Variants in ARB2A observed in about 807,000 individuals in gnomAD.
The protein encoded by ARB2A is cotranscriptional regulator ARB2A.
the ARB2A span, among the ~76,000 whole-genome samples, chr5:93,660,402 G>A: frequency 3.3e-5 from 5 of 152,082 alleles, no homozygotes; most frequent in South Asian, 1.0e-3. Flanking sequence ...CTGAGGACTG[G>A]GTAGTGGGGA....
At chr5:93,900,613 CA>C in the ARB2A span, among the ~76,000 whole-genome samples, 11,909 of 65,432 alleles carry the variant, frequency 0.18, 359 homozygotes, top group Middle Eastern at 0.29. Flanking sequence ...GACGCTGTCT[CA>C]AAAAAAAAAA....
At chr5:93,621,217 C>G in the ARB2A span, 1 of 1,293,850 alleles carries the variant, frequency 7.7e-7, no homozygotes, top group South Asian at 2.0e-5. Flanking sequence ...GCCCCGGCTC[C>G]CGACCACCCG....
At chr5:93,899,378 G>C in the ARB2A span, among the ~76,000 whole-genome samples, 1 of 152,178 alleles carries the variant, frequency 6.6e-6, no homozygotes, top group South Asian at 2.1e-4. Flanking sequence ...GGAAACCCTT[G>C]TCTGTAAAAG....
chr5:93,827,617 A>T, the ARB2A span, among the ~76,000 whole-genome samples: 1 of 151,592 alleles, frequency 6.6e-6, no homozygotes, highest in Admixed American at 6.6e-5. Context: ...CCCATTTGTC[A>T]ATTTTGGCTT....
chr5:93,848,322 G>C, the ARB2A span, among the ~76,000 whole-genome samples: 1 of 151,708 alleles, frequency 6.6e-6, no homozygotes, highest in Non-Finnish European at 1.5e-5. Flanking sequence ...GGCGGAGGTT[G>C]CAGTGAGCTG....
At chr5:94,066,040 A>G in the ARB2A span, among the ~76,000 whole-genome samples, 1 of 152,164 alleles carries the variant, frequency 6.6e-6, no homozygotes, top group Non-Finnish European at 1.5e-5. Context: ...AATCAATAAA[A>G]AGAAGAACTT....
At chr5:93,702,688 T>C in the ARB2A span, among the ~76,000 whole-genome samples, 28 of 152,316 alleles carry the variant, frequency 1.8e-4, no homozygotes, top group Non-Finnish European at 1.9e-4. Flanking sequence ...GTGGGCTTGA[T>C]TCTCTTAACT....
the ARB2A span, among the ~76,000 whole-genome samples, chr5:93,742,129 G>A: frequency 6.6e-6 from 1 of 151,988 alleles, no homozygotes; most frequent in Non-Finnish European, 1.5e-5. Context: ...GTTAACATCA[G>A]TTTACTACCT....
At chr5:93,995,588 A>G in the ARB2A span, among the ~76,000 whole-genome samples, 1 of 152,182 alleles carries the variant, frequency 6.6e-6, no homozygotes, top group Non-Finnish European at 1.5e-5. Context: ...AATCAAGAGA[A>G]GGCTAATAGC....
chr5:93,988,826 C>T, the ARB2A span, among the ~76,000 whole-genome samples: 2 of 152,090 alleles, frequency 1.3e-5, no homozygotes, highest in Non-Finnish European at 2.9e-5. Context: ...TCCAGGAACC[C>T]TTGGCAGTCA....
At chr5:93,836,831 T>C in the ARB2A span, among the ~76,000 whole-genome samples, 2 of 152,194 alleles carry the variant, frequency 1.3e-5, no homozygotes, top group Non-Finnish European at 2.9e-5. Context: ...ATTAGAAATT[T>C]TGGACCTTGA....
At chr5:93,699,557 T>C in the ARB2A span, among the ~76,000 whole-genome samples, 1 of 151,960 alleles carries the variant, frequency 6.6e-6, no homozygotes, top group Non-Finnish European at 1.5e-5. Flanking sequence ...TGGAGAACAA[T>C]CTCCCTGTTA....
chr5:93,783,829 A>G, the ARB2A span, among the ~76,000 whole-genome samples: 1 of 152,270 alleles, frequency 6.6e-6, no homozygotes, highest in African/African-American at 2.4e-5. Flanking sequence ...GGAAGTGTGA[A>G]AAGAAGCTTT....
chr5:93,683,709 A>C, the ARB2A span: 1 of 1,611,344 alleles, frequency 6.2e-7, no homozygotes, highest in South Asian at 1.1e-5. Flanking sequence ...TGTCCATCGA[A>C]TCTTCCATCG....
the ARB2A span, among the ~76,000 whole-genome samples, chr5:93,640,181 C>T: frequency 6.6e-6 from 1 of 151,456 alleles, no homozygotes; most frequent in African/African-American, 2.4e-5. Flanking sequence ...TGTGGTGGCT[C>T]ATGCCTGTAA....
At chr5:93,643,525 GC>G in the ARB2A span, among the ~76,000 whole-genome samples, 1 of 151,972 alleles carries the variant, frequency 6.6e-6, no homozygotes, top group Non-Finnish European at 1.5e-5. Flanking sequence ...TGGATTTTTT[GC>G]TATTGTTGCC....
the ARB2A span, among the ~76,000 whole-genome samples, chr5:93,630,671 G>A: frequency 0.016 from 2,426 of 152,072 alleles, 91 homozygotes; most frequent in Admixed American, 0.065. Flanking sequence ...AGACGGGTGC[G>A]GGGCCTTTTA....
At chr5:93,761,703 G>C in the ARB2A span, among the ~76,000 whole-genome samples, 1 of 152,212 alleles carries the variant, frequency 6.6e-6, no homozygotes, top group Non-Finnish European at 1.5e-5. Context: ...GTTTCGAAGA[G>C]AGTAGTGGTT....
chr5:93,951,606 C>G, the ARB2A span, among the ~76,000 whole-genome samples: 73 of 152,248 alleles, frequency 4.8e-4, 1 homozygote, highest in Middle Eastern at 0.01. Context: ...ATATTCTTGG[C>G]ATCTTTATCA....
Sources: allele counts gnomAD v4.1 joint callset (sites outside exome capture counted in the v4.1 genomes callset), GRCh38; gene constraint gnomAD v4.1.1; transcripts MANE v1.5; gene names NCBI Gene and HGNC (gene_info 2026-07-23, HGNC 2026-07-21).